Variants in PRR5 observed in about 807,000 individuals in gnomAD.
PRR5 encodes proline-rich protein 5.
In PRR5, 25 loss-of-function variants were observed where a neutral mutation model predicts 30.6. The observed-to-expected ratio is 0.82, with a 90% CI of 0.60 to 1.14. The LOEUF (loss-of-function observed/expected upper bound fraction) is 1.14, where lower values mean the gene tolerates loss of function less well. Ranked by LOEUF, PRR5 falls within the 50% of genes most tolerant of loss-of-function variation. The probability of loss-of-function intolerance (pLI) is 0.00; values close to 1 mark genes in which losing one functional copy is unlikely to be tolerated. For missense variants in PRR5, 600 were observed against 547.1 expected, an observed-to-expected ratio of 1.10 and a Z score of -0.96; for synonymous variants, 286 against 247.1, an observed-to-expected ratio of 1.16 and a Z score of -1.48.
intron 1 of PRR5, among the ~76,000 whole-genome samples, chr22:44,685,368 C>A (rs950148538): frequency 2.6e-5 from 4 of 152,044 alleles, no homozygotes; most frequent in Non-Finnish European, 5.9e-5. Flanking sequence ...TCAAAACAAA[C>A]AAACAAAAAA....
chr22:44,726,524 A>G lies in PRR5; in HGVS notation c.265-53A>G, dbSNP rs554669061. Reference sequence around the variant, plus strand: ...ACTCTCGGGGGCCCTGCTGGCCAGGACACCCCCGGGCATCCACAAGGGCGG... The same window carrying G: ...ACTCTCGGGGGCCCTGCTGGCCAGGGCACCCCCGGGCATCCACAAGGGCGG... On this transcript the variant is annotated intron_variant, in intron 3 of 7. Transcript: ENST00000336985. The G allele has an allele frequency of 1.5e-5, 24 of 1,612,602 alleles. No individual in the cohort carries two copies. In the East Asian group the frequency reaches 5.1e-4, roughly 34 times the overall value.
chr22:44,736,903 G>A lies in PRR5; in HGVS notation c.823G>A (p.Gly275Ser), dbSNP rs373328428. 223 of 1,608,484 alleles carry A rather than the reference G, an allele frequency of 1.4e-4. No homozygotes were observed. The highest frequency in any genetic ancestry group is 1.8e-4 in the East Asian group (8 of 44,844). The change falls in exon 8 of 8, where the codon GGT becomes AGT. Residue 275 changes from glycine to serine, a missense_variant. Coordinates refer to ENST00000336985, the MANE Select transcript of PRR5 (RefSeq NM_181333.4). ...CGAGGCGGAGGGCGCGGCGGCCGGC[G>A]GTACCAGCATCCGCAGGCACTCTGT... ...EHEAEGAAAG[G>S]TSIRRHSVSE...
chr22:44,678,606 C>T (rs1053301740), intron 1 of PRR5, among the ~76,000 whole-genome samples: 1 of 152,354 alleles, frequency 6.6e-6, no homozygotes, highest in South Asian at 2.1e-4. Flanking sequence ...TGAGCCACCG[C>T]GCCCTGCCTG....
At chr22:44,718,601 A>G (rs1929466573) in intron 2 of PRR5, among the ~76,000 whole-genome samples, 1 of 151,572 alleles carries the variant, frequency 6.6e-6, no homozygotes. Context: ...TGGCTGTACC[A>G]TTTCACTGTC....
At chr22:44,726,385 G>A (rs112310574) in intron 3 of PRR5, among the ~76,000 whole-genome samples, 192 bp from the exon 4 acceptor site, 7 of 152,322 alleles carry the variant, frequency 4.6e-5, no homozygotes, top group African/African-American at 1.7e-4. Flanking sequence ...ACAACCCGGG[G>A]TTGGGTCAGT....
At position 44,737,304 on chromosome 22, in the gene PRR5, A is replaced by G. The variant is rs1160794666; in HGVS notation, c.*57A>G. The G allele has an allele frequency of 1.4e-5, 21 of 1,539,868 alleles. No individual in the cohort carries two copies. Among genetic ancestry groups the G allele is most frequent in the Admixed American group, 1.3e-4 (7 of 53,506 alleles). ...CACGTCCCTGTGTGCGGGGGTGTCC[A>G]TGTGGCGTGTGTGTGAGTGAGACTT... is the stretch of plus-strand genomic sequence containing the variant. On this transcript the variant is annotated 3_prime_UTR_variant, in exon 8 of 8. Transcript: ENST00000336985.
Position 44,725,293 on chromosome 22 carries a change from G to T in PRR5, c.264+1G>T, listed in dbSNP as rs907421158. On this transcript the variant is annotated splice_donor_variant, in intron 3 of 7. Transcript: ENST00000336985. LOFTEE classifies it high-confidence loss of function. ...GTCCTTCTTCACGGAGTACCTGCAG[G>T]TAGGTGGGTCTTGCTCCAGCCAGGC... 1.9e-6 allele frequency: 3 copies of T among 1,613,402 alleles called. No homozygotes were observed. Among genetic ancestry groups the T allele is most frequent in the Non-Finnish European group, 2.5e-6 (3 of 1,179,960 alleles).
intron 2 of PRR5, among the ~76,000 whole-genome samples, chr22:44,724,442 A>G (rs1363557535): frequency 1.3e-5 from 2 of 150,982 alleles, no homozygotes; most frequent in Non-Finnish European, 3.0e-5. Flanking sequence ...CTCAAAAAGA[A>G]AAAAAAAAAG....
intron 2 of PRR5, among the ~76,000 whole-genome samples, chr22:44,722,338 G>T (rs1383500483): frequency 6.6e-6 from 1 of 152,238 alleles, no homozygotes; most frequent in Non-Finnish European, 1.5e-5. Flanking sequence ...ACGGAGGCCT[G>T]TGACTGGCCT....
chr22:44,706,021 A>G (rs1163920249), intron 1 of PRR5, among the ~76,000 whole-genome samples: 1 of 152,002 alleles, frequency 6.6e-6, no homozygotes, highest in East Asian at 2.0e-4. Context: ...GCTACTCTCA[A>G]ACTCCTGACC....
intron 1 of PRR5, among the ~76,000 whole-genome samples, chr22:44,678,078 G>A (rs1601946030): frequency 1.3e-5 from 2 of 152,156 alleles, no homozygotes; most frequent in Non-Finnish European, 1.5e-5. Flanking sequence ...CCAGAGTCAC[G>A]CGTGCAGCAG....
At chr22:44,703,858 C>T (rs983167667) in intron 1 of PRR5, among the ~76,000 whole-genome samples, 5 of 152,028 alleles carry the variant, frequency 3.3e-5, no homozygotes, top group African/African-American at 9.7e-5. Context: ...ACTCCAGCCT[C>T]GGTGACAGAG....
At chr22:44,731,897 G>C (rs535087990) in intron 5 of PRR5, 76 bp downstream of exon 5, 457 of 1,461,702 alleles carry the variant, frequency 3.1e-4, no homozygotes, top group Admixed American at 6.5e-4. Context: ...ACAGAGGGGG[G>C]CCGCCAGGCT....
At chr22:44,683,307 G>A (rs377180078) in intron 1 of PRR5, among the ~76,000 whole-genome samples, 2 of 152,238 alleles carry the variant, frequency 1.3e-5, no homozygotes, top group South Asian at 2.1e-4. Context: ...AGTGGGCCAA[G>A]CCAGTGCTTG....
intron 1 of PRR5, among the ~76,000 whole-genome samples, chr22:44,684,162 C>T (rs1313954993): frequency 6.6e-6 from 1 of 152,222 alleles, no homozygotes; most frequent in Non-Finnish European, 1.5e-5. Flanking sequence ...CCAGCCCCCA[C>T]CCCAGTGCCC....
At chr22:44,675,814 C>T (rs1334869911), upstream of PRR5, among the ~76,000 whole-genome samples, 1 of 146,466 alleles carries the variant, frequency 6.8e-6, no homozygotes. Flanking sequence ...GTCACATATC[C>T]TAATTAAATT....
chr22:44,727,670 GCTC>G (rs905198210), intron 4 of PRR5, among the ~76,000 whole-genome samples: 2 of 152,168 alleles, frequency 1.3e-5, no homozygotes, highest in Non-Finnish European at 2.9e-5. Context: ...GCTGCCCCAG[GCTC>G]CTCCTCCAGG....
intron 1 of PRR5, among the ~76,000 whole-genome samples, chr22:44,712,544 G>T (rs1022213141): frequency 6.6e-6 from 1 of 152,228 alleles, no homozygotes; most frequent in East Asian, 1.9e-4. Context: ...GTGCACAGGG[G>T]CCCAAGATGC....
intron 1 of PRR5, among the ~76,000 whole-genome samples, chr22:44,689,163 G>T (rs1376918384): frequency 1.3e-5 from 2 of 152,086 alleles, no homozygotes; most frequent in Non-Finnish European, 2.9e-5. Flanking sequence ...CCAGCTTCTT[G>T]ATCTTCATGT....
Sources: gnomAD v4.1 joint callset for allele counts (sites outside exome capture counted in the v4.1 genomes callset) on GRCh38, gnomAD v4.1.1 for gene constraint, MANE v1.5 for transcripts, NCBI Gene and HGNC (gene_info 2026-07-23, HGNC 2026-07-21) for gene names.